Variants in PIK3C2G observed in about 807,000 individuals in gnomAD.
PIK3C2G encodes the protein phosphatidylinositol-4-phosphate 3-kinase catalytic subunit type 2 gamma, also known as phosphatidylinositol 3-kinase C2 domain-containing subunit gamma.
PIK3C2G carries 168 observed loss-of-function variants against 181.1 expected under a neutral mutation model. That is an observed-to-expected ratio of 0.93 (90% confidence interval 0.82 to 1.05). The LOEUF (loss-of-function observed/expected upper bound fraction) is 1.05, where lower values mean the gene tolerates loss of function less well. Ranked by LOEUF, PIK3C2G falls within the 50% of genes least tolerant of loss-of-function variation. The pLI, the probability that PIK3C2G is intolerant of heterozygous loss-of-function variation, is 0.00. For missense variants in PIK3C2G, 1,869 were observed against 1,732.8 expected, an observed-to-expected ratio of 1.08 and a Z score of -1.40; for synonymous variants, 573 against 592.2, an observed-to-expected ratio of 0.97 and a Z score of 0.47.
intron 6 of PIK3C2G, among the ~76,000 whole-genome samples, chr12:18,320,617 C>T (rs1951067074): frequency 6.6e-6 from 1 of 152,176 alleles, no homozygotes; most frequent in Non-Finnish European, 1.5e-5. Context: ...CACTCATGGC[C>T]TAAATGTGAA....
chr12:18,556,343 C>T (rs1200462365), intron 26 of PIK3C2G, among the ~76,000 whole-genome samples: 1 of 152,124 alleles, frequency 6.6e-6, no homozygotes, highest in African/African-American at 2.4e-5. Context: ...TTTTGTCTGA[C>T]CCGTTAAGTC....
the PIK3C2G span, among the ~76,000 whole-genome samples, chr12:18,715,041 A>C: frequency 1.3e-5 from 2 of 151,660 alleles, no homozygotes; most frequent in Non-Finnish European, 2.9e-5. Context: ...GATCATATGC[A>C]GTCCCTTTCT....
At chr12:18,599,511 G>T (rs1385603697) in intron 30 of PIK3C2G, among the ~76,000 whole-genome samples, 1 of 151,832 alleles carries the variant, frequency 6.6e-6, no homozygotes, top group Admixed American at 6.6e-5. Context: ...GGTAGGGGGA[G>T]GCGGGAGGGA....
At chr12:18,287,976 A>G (rs1949526129) in intron 3 of PIK3C2G, among the ~76,000 whole-genome samples, 1 of 152,146 alleles carries the variant, frequency 6.6e-6, no homozygotes, top group Non-Finnish European at 1.5e-5. Flanking sequence ...AGCCTGGCCA[A>G]CGTGGTGAAA....
intron 29 of PIK3C2G, among the ~76,000 whole-genome samples, chr12:18,590,512 C>T (rs188568388): frequency 3.4e-4 from 51 of 151,896 alleles, no homozygotes; most frequent in African/African-American, 1.0e-3. Context: ...TAGAGTTGTG[C>T]GGTATCCAAC....
At chr12:18,483,426 T>C (rs1204349592) in intron 18 of PIK3C2G, among the ~76,000 whole-genome samples, 1 of 152,154 alleles carries the variant, frequency 6.6e-6, no homozygotes, top group East Asian at 1.9e-4. Context: ...ATGTTAGTAG[T>C]AATAAAATAA....
chr12:18,408,274 C>A (rs1944652797), intron 16 of PIK3C2G, among the ~76,000 whole-genome samples: 1 of 152,110 alleles, frequency 6.6e-6, no homozygotes, highest in South Asian at 2.1e-4. Context: ...TTTTAGCTTT[C>A]TGGATATGGC....
chr12:18,584,756 T>C (rs999818038), intron 29 of PIK3C2G, among the ~76,000 whole-genome samples: 12 of 151,874 alleles, frequency 7.9e-5, no homozygotes, highest in East Asian at 3.9e-4. Context: ...TTTTCCAAGA[T>C]TGAAATGAAA....
chr12:18,700,051 C>T, the PIK3C2G span: 1 of 1,012,526 alleles, frequency 9.9e-7, no homozygotes, highest in South Asian at 1.4e-5. Flanking sequence ...TGATTTTCAT[C>T]TTTTCATAAG....
At chr12:18,541,178 T>C (rs1322229295) in intron 25 of PIK3C2G, among the ~76,000 whole-genome samples, 2 of 151,966 alleles carry the variant, frequency 1.3e-5, no homozygotes, top group East Asian at 3.9e-4. Flanking sequence ...TTCTATCTTG[T>C]GCAAATGATC....
chr12:18,669,608 C>G, the PIK3C2G span, among the ~76,000 whole-genome samples: 1 of 151,978 alleles, frequency 6.6e-6, no homozygotes, highest in African/African-American at 2.4e-5. Context: ...CAGACAGTTG[C>G]CTTTGCAGCT....
At chr12:18,697,886 A>AC in the PIK3C2G span, among the ~76,000 whole-genome samples, 20 of 151,858 alleles carry the variant, frequency 1.3e-4, no homozygotes, top group African/African-American at 4.8e-4. Flanking sequence ...ATTATTTACT[A>AC]TAACTTTTGG....
chr12:18,719,568 T>C, the PIK3C2G span: 3 of 1,605,748 alleles, frequency 1.9e-6, no homozygotes, highest in Non-Finnish European at 1.7e-6. Flanking sequence ...TTTTAAACAG[T>C]AGACATTCAC....
intron 29 of PIK3C2G, among the ~76,000 whole-genome samples, chr12:18,582,893 G>T (rs377028697): frequency 1.6e-4 from 24 of 151,850 alleles, no homozygotes; most frequent in Non-Finnish European, 1.0e-4. Context: ...CTCTCACCCA[G>T]TGTTTTCTAA....
At position 18,294,013 on chromosome 12, in the gene PIK3C2G, A is replaced by AAAGT; in HGVS notation, c.1034+4_1034+7dup. 7.1e-7 allele frequency: 1 copy of AAAGT among 1,400,482 alleles called. No individual in the cohort carries two copies. The highest frequency in any genetic ancestry group is 1.2e-5 in the South Asian group (1 of 84,336). The allele number at this position is 1,400,482 out of a possible 1,614,324, so 86.8% of individuals were successfully genotyped here. A position where few individuals can be genotyped will look rare whatever the true frequency, so the allele number is the denominator to read the frequency against. ...TATGTGGCTCTGAAGAATTTTTACA[A>AAAGT]AAGTAAGTATTTTATGAAATTTTGG... is the stretch of plus-strand genomic sequence containing the variant. On this transcript the variant is annotated frameshift_variant and splice_region_variant, in exon 5 of 33. Transcript: ENST00000538779. LOFTEE classifies it high-confidence loss of function.
chr12:18,671,314 T>G, the PIK3C2G span, among the ~76,000 whole-genome samples: 1 of 152,162 alleles, frequency 6.6e-6, no homozygotes, highest in South Asian at 2.1e-4. Context: ...AGAGAAGATA[T>G]TGGGATTTTT....
the PIK3C2G span, among the ~76,000 whole-genome samples, chr12:18,660,526 G>A: frequency 6.6e-6 from 1 of 152,010 alleles, no homozygotes; most frequent in Admixed American, 6.6e-5. Flanking sequence ...TAAATTAAAA[G>A]CAACCACATA....
chr12:18,612,913 T>G (rs1488632764), intron 31 of PIK3C2G, among the ~76,000 whole-genome samples: 2 of 152,128 alleles, frequency 1.3e-5, no homozygotes, highest in Non-Finnish European at 2.9e-5. Context: ...ATAAAATTGC[T>G]AAAATTCTTT....
rs1446255337 is a variant in PIK3C2G, at chr12:18,562,793, A to G, written c.3681A>G (p.Lys1227=). 4 of 1,608,430 alleles carry G rather than the reference A, an allele frequency of 2.5e-6. No individual in the cohort carries two copies. Among genetic ancestry groups the G allele is most frequent in the Non-Finnish European group, 3.4e-6 (4 of 1,176,856 alleles). Residue 1227 remains lysine (K), a synonymous_variant, in exon 27 of 33, where the codon AAA becomes AAG. Transcript: ENST00000538779. ...LAQMSAISPA[K]STSQTFPQES... is the part of the protein sequence containing the mutation. ...AAATGTCAGCCATAAGCCCTGCCAA[A>G]TCTACTTCACAGACTTTTCCTCAGG... is the stretch of plus-strand genomic sequence containing the variant.
Sources: allele counts gnomAD v4.1 joint callset (sites outside exome capture counted in the v4.1 genomes callset), GRCh38; gene constraint gnomAD v4.1.1; transcripts MANE v1.5; gene names NCBI Gene and HGNC (gene_info 2026-07-23, HGNC 2026-07-21).